DLG2: variants seen among roughly 807,000 people sequenced by gnomAD.
DLG2 encodes the protein disks large homolog 2.
Under a neutral mutation model 132.5 loss-of-function variants are expected in DLG2, and 45 were observed. That is an observed-to-expected ratio of 0.34 (90% confidence interval 0.27 to 0.44). The LOEUF is 0.44. Ranked by LOEUF, DLG2 falls within the 20% of genes least tolerant of loss-of-function variation. The pLI is 1.00. For synonymous variants in DLG2, 424 were observed against 419.6 expected, an observed-to-expected ratio of 1.01 and a Z score of -0.13; for missense variants, 1,045 against 1,196.9, an observed-to-expected ratio of 0.87 and a Z score of 1.87.
chr11:85,240,629 T>G (rs1303309002), intron 4 of DLG2, among the ~76,000 whole-genome samples: 1 of 151,854 alleles, frequency 6.6e-6, no homozygotes, highest in East Asian at 1.9e-4. Flanking sequence ...TTTATTTTTC[T>G]GTATGTGTGG....
intron 11 of DLG2, among the ~76,000 whole-genome samples, chr11:84,024,040 G>C (rs2095473193): frequency 6.6e-6 from 1 of 152,074 alleles, no homozygotes; most frequent in African/African-American, 2.4e-5. Flanking sequence ...ATGAATACTA[G>C]TAGGCTGTTC....
At chr11:83,874,136 G>A (rs1320236185) in intron 16 of DLG2, among the ~76,000 whole-genome samples, 1 of 145,734 alleles carries the variant, frequency 6.9e-6, no homozygotes, top group African/African-American at 2.6e-5. Context: ...AAGAAGAGTG[G>A]GGAGGTAGGG....
Position 84,304,363 on chromosome 11 carries a change from T to C in DLG2, c.520-53072A>G, listed in dbSNP as rs143081801. Among the ~76,000 whole-genome samples the C allele has an allele frequency of 1.1e-3, 172 of 152,318 alleles. 5 individuals carry two copies. In the East Asian group the frequency reaches 0.018, roughly 16 times the overall value. ...AATACTCTAATTTTGCAGGATCGCATGTTAAATAGCAACTTTGAGAGCTCA... is the reference window on the plus strand; with the variant it reads ...AATACTCTAATTTTGCAGGATCGCACGTTAAATAGCAACTTTGAGAGCTCA... On this transcript the variant is annotated intron_variant, in intron 7 of 27. Coordinates refer to ENST00000376104, the MANE Select transcript of DLG2 (RefSeq NM_001142699.3).
chr11:83,812,806 G>A (rs2047699166), intron 17 of DLG2, among the ~76,000 whole-genome samples: 1 of 152,146 alleles, frequency 6.6e-6, no homozygotes, highest in African/African-American at 2.4e-5. Flanking sequence ...AGAATTGTGG[G>A]AAATGTACTT....
chr11:84,054,034 T>A (rs1429061058), intron 11 of DLG2, among the ~76,000 whole-genome samples: 2 of 152,078 alleles, frequency 1.3e-5, no homozygotes, highest in Non-Finnish European at 2.9e-5. Context: ...TTTTTATTAA[T>A]GAGTAAGGTG....
chr11:84,130,160 C>T (rs996278622), intron 9 of DLG2, among the ~76,000 whole-genome samples: 1 of 151,950 alleles, frequency 6.6e-6, no homozygotes, highest in Non-Finnish European at 1.5e-5. Flanking sequence ...TAATTACAAT[C>T]TCAAGAAGGG....
At chr11:83,797,706 G>C (rs938654106) in intron 17 of DLG2, among the ~76,000 whole-genome samples, 5 of 152,034 alleles carry the variant, frequency 3.3e-5, no homozygotes, top group African/African-American at 1.2e-4. Context: ...TTTTAGTAGA[G>C]ATGGGGTTTC....
chr11:83,694,937 A>C (rs545845841), intron 18 of DLG2, among the ~76,000 whole-genome samples: 36 of 152,318 alleles, frequency 2.4e-4, no homozygotes, highest in African/African-American at 8.4e-4. Flanking sequence ...AGTGGCAAAG[A>C]GCTTCAGAGA....
At chr11:84,604,917 C>T (rs947788464) in intron 6 of DLG2, among the ~76,000 whole-genome samples, 1 of 151,758 alleles carries the variant, frequency 6.6e-6, no homozygotes, top group Non-Finnish European at 1.5e-5. Context: ...ATTTCTACTC[C>T]CAAGTGATAA....
chr11:85,513,860 C>T (rs1408480768), intron 3 of DLG2, among the ~76,000 whole-genome samples: 3 of 151,920 alleles, frequency 2.0e-5, no homozygotes, highest in African/African-American at 7.2e-5. Flanking sequence ...TCCCAAATCC[C>T]CCAAATCTGA....
At chr11:84,088,252 G>C (rs1053215359) in intron 10 of DLG2, among the ~76,000 whole-genome samples, 1 of 151,696 alleles carries the variant, frequency 6.6e-6, no homozygotes, top group Non-Finnish European at 1.5e-5. Flanking sequence ...GACTTTTATA[G>C]TTCTAGTTCT....
intron 15 of DLG2, among the ~76,000 whole-genome samples, chr11:83,887,230 G>A (rs2154081508): frequency 6.6e-6 from 1 of 151,732 alleles, no homozygotes. Context: ...AAAGAGAGAA[G>A]AATCAAACAG....
intron 3 of DLG2, among the ~76,000 whole-genome samples, chr11:85,494,322 G>T (rs114798148): frequency 0.013 from 2,029 of 152,160 alleles, 53 homozygotes; most frequent in African/African-American, 0.046. Context: ...AATAATTAAA[G>T]CCTTAGAAAA....
chr11:84,396,051 A>AT (rs1318579328), intron 7 of DLG2, among the ~76,000 whole-genome samples: 1 of 152,212 alleles, frequency 6.6e-6, no homozygotes, highest in Non-Finnish European at 1.5e-5. Context: ...CTGCTCTTAG[A>AT]TTTTGACCTG....
At chr11:83,948,043 T>C (rs2084503403) in intron 14 of DLG2, among the ~76,000 whole-genome samples, 1 of 152,206 alleles carries the variant, frequency 6.6e-6, no homozygotes, top group African/African-American at 2.4e-5. Flanking sequence ...TATTATAAAT[T>C]CAGAGCAAGG....
At chr11:85,251,360 T>C (rs1034205092) in intron 4 of DLG2, among the ~76,000 whole-genome samples, 2 of 152,226 alleles carry the variant, frequency 1.3e-5, no homozygotes, top group Admixed American at 6.5e-5. Context: ...CACATCGTTA[T>C]ATATATCCCA....
At chr11:84,441,394 C>A (rs1225592167) in intron 7 of DLG2, among the ~76,000 whole-genome samples, 1 of 152,056 alleles carries the variant, frequency 6.6e-6, no homozygotes, top group Non-Finnish European at 1.5e-5. Flanking sequence ...CTCAAGTGAT[C>A]CTCGTACCTT....
intron 6 of DLG2, among the ~76,000 whole-genome samples, chr11:85,000,345 C>T (rs890498860): frequency 5.3e-5 from 8 of 152,132 alleles, no homozygotes; most frequent in East Asian, 1.9e-4. Context: ...AATCCACTAA[C>T]GTAATTCTCC....
intron 6 of DLG2, among the ~76,000 whole-genome samples, chr11:85,071,376 C>A (rs1282708784): frequency 6.6e-6 from 1 of 151,764 alleles, no homozygotes; most frequent in Admixed American, 6.6e-5. Flanking sequence ...AAAAGTAAAG[C>A]AGATTTGGCT....
Sources: gnomAD v4.1 joint callset for allele counts (sites outside exome capture counted in the v4.1 genomes callset) on GRCh38, gnomAD v4.1.1 for gene constraint, MANE v1.5 for transcripts, NCBI Gene and HGNC (gene_info 2026-07-23, HGNC 2026-07-21) for gene names.